The following OSBPL8 variants were observed in gnomAD, a reference collection of about 807,000 sequenced individuals.
The protein encoded by OSBPL8 is oxysterol-binding protein-related protein 8.
Under a neutral mutation model 125.5 loss-of-function variants are expected in OSBPL8, and 59 were observed. The ratio of observed to expected loss-of-function variants is 0.47; its 90% CI spans 0.38 to 0.58. The LOEUF (loss-of-function observed/expected upper bound fraction) is 0.58. OSBPL8 is among the 20% of genes least tolerant of loss of function. The probability of loss-of-function intolerance (pLI) is 0.00; values close to 1 mark genes in which losing one functional copy is unlikely to be tolerated. For synonymous variants in OSBPL8, 330 were observed against 338.9 expected (o/e 0.97, Z 0.29); for missense variants, 758 against 1,047.8 (o/e 0.72, Z 3.82).
At chr12:76,467,578 C>A (rs140517562) in intron 2 of OSBPL8, among the ~76,000 whole-genome samples, 7 of 152,246 alleles carry the variant, frequency 4.6e-5, no homozygotes, top group African/African-American at 1.7e-4. Flanking sequence ...ACCCTTGATT[C>A]CTCTGAGACA....
At chr12:76,395,171 T>G (rs1414689718) in intron 8 of OSBPL8, among the ~76,000 whole-genome samples, 2 of 152,134 alleles carry the variant, frequency 1.3e-5, no homozygotes, top group Non-Finnish European at 2.9e-5. Flanking sequence ...AAATCTCCAC[T>G]TTATAACCAA....
At chr12:76,517,310 C>G (rs538700981) in intron 1 of OSBPL8, among the ~76,000 whole-genome samples, 3 of 152,044 alleles carry the variant, frequency 2.0e-5, no homozygotes, top group Non-Finnish European at 4.4e-5. Flanking sequence ...ACTCAAACTC[C>G]AAAAAATTTC....
chr12:76,496,370 ATTTTTTT>A (rs34882613), intron 1 of OSBPL8, among the ~76,000 whole-genome samples: 1 of 141,956 alleles, frequency 7.0e-6, no homozygotes, highest in Non-Finnish European at 1.5e-5. Flanking sequence ...ATGCTGTGTA[ATTTTTTT>A]TTTTTTTTTG....
chr12:76,488,506 AT>A (rs1157042419), intron 1 of OSBPL8, among the ~76,000 whole-genome samples: 4 of 152,182 alleles, frequency 2.6e-5, no homozygotes, highest in Non-Finnish European at 1.5e-5. Context: ...TTCCAACAGC[AT>A]GTGCTCACTT....
Position 76,432,976 on chromosome 12 carries a change from C to G in OSBPL8, c.217+17875G>C, listed in dbSNP as rs145231055. Among the ~76,000 whole-genome samples, 984 of 152,162 alleles carry G rather than the reference C, an allele frequency of 6.5e-3. 12 individuals carry two copies. The highest frequency in any genetic ancestry group is 0.023 in the African/African-American group (947 of 41,518). On this transcript the variant is annotated intron_variant, in intron 4 of 23. Coordinates refer to ENST00000261183, the MANE Select transcript of OSBPL8 (RefSeq NM_020841.5). ...TCAATCAATGGGATGAAAGATAAAA[C>G]CACATGATCACTTTAGTAAATGTGG...
At chr12:76,446,133 C>T (rs12427209) in intron 4 of OSBPL8, among the ~76,000 whole-genome samples, 3,471 of 152,122 alleles carry the variant, frequency 0.023, 42 homozygotes, top group Admixed American at 0.038. Flanking sequence ...ATATAAAAGC[C>T]CTCAGAGACA....
At position 76,369,689 on chromosome 12, in the gene OSBPL8, T is replaced by G. The variant is rs1373974574; in HGVS notation, c.2188A>C (p.Lys730Gln). 1.9e-6 allele frequency: 3 copies of G among 1,613,708 alleles called. No individual in the cohort carries two copies. The highest frequency in any genetic ancestry group is 2.5e-6 in the Non-Finnish European group (3 of 1,179,736). ...RKTKNEEWSCKLFELDPLTGE... is the reference protein window; with the variant it reads ...RKTKNEEWSCQLFELDPLTGE... ...GTGAGTGGATCAAGTTCAAATAATT[T>G]GCAAGACCACTCTTCATTTTTTGTT... Residue 730 changes from lysine (K) to glutamine (Q), a missense_variant, in exon 20 of 24, where the codon AAA becomes CAA. This residue lies in a region of OSBPL8 where 572 missense variants were observed against 762.0 expected (regional missense o/e 0.75). Coordinates refer to ENST00000261183, the MANE Select transcript of OSBPL8 (RefSeq NM_020841.5).
intron 4 of OSBPL8, among the ~76,000 whole-genome samples, chr12:76,443,115 A>G (rs889083449): frequency 6.6e-6 from 1 of 152,056 alleles, no homozygotes; most frequent in African/African-American, 2.4e-5. Context: ...TAATTTTGAT[A>G]AAACTGATTA....
intron 1 of OSBPL8, among the ~76,000 whole-genome samples, chr12:76,522,852 T>C (rs1326758237): frequency 1.3e-5 from 2 of 152,188 alleles, no homozygotes; most frequent in Admixed American, 6.5e-5. Context: ...AGTAAATTCC[T>C]ATATTTATTT....
chr12:76,375,440 T>C, intron 16 of OSBPL8, 70 bp from the exon 17 acceptor site: 1 of 971,570 alleles, frequency 1.0e-6, no homozygotes, highest in Non-Finnish European at 1.6e-6. Context: ...ATAAACAGTT[T>C]AGTAATCTAA....
chr12:76,536,708 T>C (rs957894447), intron 1 of OSBPL8, among the ~76,000 whole-genome samples: 1 of 149,270 alleles, frequency 6.7e-6, no homozygotes, highest in African/African-American at 2.5e-5. Context: ...GACCTACAGG[T>C]GGAGGGAATG....
Position 76,450,978 on chromosome 12 carries a change from T to A in OSBPL8, c.90A>T (p.Ala30=). 6.2e-7 allele frequency: 1 copy of A among 1,613,346 alleles called. No individual in the cohort carries two copies. The highest frequency in any genetic ancestry group is 8.5e-7 in the Non-Finnish European group (1 of 1,179,672). ...KDVLGPSTVV[A]NSDESQLLTP... Reference sequence around the variant, plus strand: ...TCAGAAGCTGAGATTCGTCACTGTTTGCTACAACAGCTCAAGGAAAGAAGG... The same window carrying A: ...TCAGAAGCTGAGATTCGTCACTGTTAGCTACAACAGCTCAAGGAAAGAAGG... Residue 30 remains alanine, a synonymous_variant, in exon 4 of 24, where the codon GCA becomes GCT. Transcript: ENST00000261183.
chr12:76,412,034 G>A (rs1868256020), intron 4 of OSBPL8, among the ~76,000 whole-genome samples: 1 of 152,104 alleles, frequency 6.6e-6, no homozygotes, highest in Non-Finnish European at 1.5e-5. Context: ...CAACAGAAAT[G>A]AGTGTGTACA....
At chr12:76,417,091 T>TC (rs1252651264) in intron 4 of OSBPL8, among the ~76,000 whole-genome samples, 18 of 152,352 alleles carry the variant, frequency 1.2e-4, no homozygotes, top group South Asian at 4.1e-4. Context: ...AATCTCTCTC[T>TC]CTTCTTAACT....
At chr12:76,369,845 A>T (rs1163565357) in intron 19 of OSBPL8, 23 bp from the exon 20 acceptor site, 7 of 1,574,364 alleles carry the variant, frequency 4.4e-6, no homozygotes, top group Non-Finnish European at 6.0e-6. Context: ...CGAAAATATT[A>T]AAAGTATTAA....
At chr12:76,515,706 C>A (rs1881468363) in intron 1 of OSBPL8, among the ~76,000 whole-genome samples, 2 of 151,994 alleles carry the variant, frequency 1.3e-5, no homozygotes. Context: ...GGGGAGGTTC[C>A]CCTGCCTCTG....
chr12:76,373,360 G>A lies in OSBPL8; in HGVS notation c.1901C>T (p.Thr634Ile). The A allele has an allele frequency of 6.2e-7, 1 of 1,602,412 alleles. No homozygotes were observed. Among genetic ancestry groups the A allele is most frequent in the East Asian group, 2.2e-5 (1 of 44,490 alleles). The stretch of plus-strand genomic sequence containing the variant: ...AATACTTACCCAATGACCTTCCAAA[G>A]TAGCTAGGACTTCTTTTCCCAGTTT... ...KLKLGKEVLA[T>I]LEGHWDSEVF... The change falls in exon 18 of 24, where the codon ACT (threonine) becomes ATT (isoleucine). Residue 634 changes from threonine (T) to isoleucine (I), a missense_variant. Around this residue, in one of 3 missense-constraint regions of OSBPL8, gnomAD observed 572 missense variants for 762.0 expected, o/e 0.75. Coordinates refer to ENST00000261183, the MANE Select transcript of OSBPL8 (RefSeq NM_020841.5).
At chr12:76,415,892 C>G (rs1868591239) in intron 4 of OSBPL8, among the ~76,000 whole-genome samples, 1 of 152,076 alleles carries the variant, frequency 6.6e-6, no homozygotes, top group Admixed American at 6.5e-5. Flanking sequence ...CTGAAACTCT[C>G]TAGTGTGTGT....
chr12:76,465,682 C>T (rs1875329101), intron 2 of OSBPL8, among the ~76,000 whole-genome samples: 1 of 151,974 alleles, frequency 6.6e-6, no homozygotes, highest in Admixed American at 6.6e-5. Flanking sequence ...TACCTTCACA[C>T]AATGAAATAG....
Sources: allele counts gnomAD v4.1 joint callset (sites outside exome capture counted in the v4.1 genomes callset), GRCh38; gene constraint gnomAD v4.1.1; regional missense constraint gnomAD v4.1.1; transcripts MANE v1.5; gene names NCBI Gene and HGNC (gene_info 2026-07-23, HGNC 2026-07-21).